TRAPPC13: variants seen among roughly 807,000 people sequenced by gnomAD.
The protein encoded by TRAPPC13 is REV7-interacting novel NHEJ regulator 1.
Under a neutral mutation model 54.0 loss-of-function variants are expected in TRAPPC13, and 39 were observed. That is an observed-to-expected ratio of 0.72 (90% CI 0.56 to 0.94). TRAPPC13 has a LOEUF of 0.94. Ranked by LOEUF, TRAPPC13 falls within the 40% of genes least tolerant of loss-of-function variation. The pLI, the probability that TRAPPC13 is intolerant of heterozygous loss-of-function variation, is 0.00. For missense variants in TRAPPC13, 386 were observed against 488.1 expected (o/e 0.79, Z 1.97); for synonymous variants, 148 against 167.7 (o/e 0.88, Z 0.91).
At position 65,651,720 on chromosome 5, in the gene TRAPPC13, T is replaced by TG. The variant is rs1345382018; in HGVS notation, c.502-779dup. On this transcript the variant is annotated intron_variant, in intron 6 of 12. Transcript: ENST00000399438. ...ATAGATCTAAATATGATACTGTATA[T>TG]GGTTTTTTTCATTCCTTTGTAAGTG... Among the ~76,000 whole-genome samples the TG allele has an allele frequency of 2.2e-5, 2 of 89,536 alleles. 1 individual carries two copies. The highest frequency in any genetic ancestry group is 5.1e-5 in the Non-Finnish European group (2 of 39,194). The allele number at this position is 89,536 out of a possible 152,430, so 58.7% of individuals were successfully genotyped here.
chr5:65,648,937 G>T (rs775850355), intron 5 of TRAPPC13, among the ~76,000 whole-genome samples: 1 of 152,004 alleles, frequency 6.6e-6, no homozygotes, highest in African/African-American at 2.4e-5. Context: ...TTTTTGGGCC[G>T]GGTGTGGTGG....
rs545395486 is a variant in TRAPPC13 at position 65,642,783 on chromosome 5, C to T, written c.301-4272C>T. Among the ~76,000 whole-genome samples, 7 of 152,226 alleles carry T rather than the reference C, an allele frequency of 4.6e-5. No individual in the cohort carries two copies. In the East Asian group the frequency reaches 9.6e-4, roughly 21 times the overall value. On this transcript the variant is annotated intron_variant, in intron 4 of 12. Transcript: ENST00000399438. ...TCAAGCAATCCTCCCATCTTAGCCTCGCGAGTTGCTGTAACTGCAGTTGCA... is the reference window on the plus strand; with the variant it reads ...TCAAGCAATCCTCCCATCTTAGCCTTGCGAGTTGCTGTAACTGCAGTTGCA...
intron 5 of TRAPPC13, among the ~76,000 whole-genome samples, chr5:65,649,569 A>G (rs1278448155): frequency 6.6e-6 from 1 of 152,124 alleles, no homozygotes; most frequent in Non-Finnish European, 1.5e-5. Context: ...TTCTCTGACT[A>G]CTTGTGAGGC....
At chr5:65,658,207 AG>A in intron 8 of TRAPPC13, 160 bp from the exon 9 acceptor site, 1 of 606,758 alleles carries the variant, frequency 1.6e-6, no homozygotes, top group Non-Finnish European at 2.6e-6. Context: ...GATAGGGTGA[AG>A]ATTTCTTTTC....
At chr5:65,658,203 G>C in intron 8 of TRAPPC13, 165 bp from the exon 9 acceptor site, 1 of 588,288 alleles carries the variant, frequency 1.7e-6, no homozygotes, top group Non-Finnish European at 2.7e-6. Flanking sequence ...TTATGATAGG[G>C]TGAAGATTTC....
chr5:65,664,560 TGAC>T lies in TRAPPC13; in HGVS notation c.1204_1206del (p.Asp402del). ...TCTTAAAGAGAACATATGAATATGATGACATCGCACAAGTCTGTGTGGTATCTT... is the reference window on the plus strand; with the variant it reads ...TCTTAAAGAGAACATATGAATATGATATCGCACAAGTCTGTGTGGTATCTT... On this transcript the variant is annotated inframe_deletion, in exon 13 of 13. Coordinates refer to ENST00000399438, the MANE Select transcript of TRAPPC13 (RefSeq NM_024941.4). The T allele has an allele frequency of 1.2e-6, 2 of 1,612,742 alleles. No homozygotes were observed. The highest frequency in any genetic ancestry group is 1.7e-6 in the Non-Finnish European group (2 of 1,179,638).
At chr5:65,648,678 A>G (rs1362026176) in intron 5 of TRAPPC13, among the ~76,000 whole-genome samples, 1 of 152,182 alleles carries the variant, frequency 6.6e-6, no homozygotes. Context: ...CCCCTGCCTT[A>G]CTTAGTCAGT....
At chr5:65,652,366 T>A in intron 6 of TRAPPC13, 135 bp from the exon 7 acceptor site, 1 of 374,646 alleles carries the variant, frequency 2.7e-6, no homozygotes, top group East Asian at 4.3e-5. Context: ...TGGAAGAATA[T>A]TGCATACCTA....
At position 65,664,895 on chromosome 5, in the gene TRAPPC13, T is replaced by G; in HGVS notation, c.*284T>G. ...CCAAAAGCTGTGTATCTGAGACCAT[T>G]TGTCCCTAGCAAGTTATCTAGAACA... is the stretch of plus-strand genomic sequence containing the variant. On this transcript the variant is annotated 3_prime_UTR_variant, in exon 13 of 13. Coordinates refer to ENST00000399438, the MANE Select transcript of TRAPPC13 (RefSeq NM_024941.4). The G allele has an allele frequency of 2.6e-6, 1 of 390,792 alleles. No individual in the cohort carries two copies. The highest frequency in any genetic ancestry group is 4.5e-5 in the Admixed American group (1 of 22,256). 24.2% of individuals were successfully genotyped at this position (390,792 alleles called of 1,614,324 possible). A position where few individuals can be genotyped will look rare whatever the true frequency, so the allele number is the denominator to read the frequency against.
intron 3 of TRAPPC13, among the ~76,000 whole-genome samples, chr5:65,636,595 A>G (rs1268135420): frequency 1.3e-5 from 2 of 152,130 alleles, no homozygotes; most frequent in Non-Finnish European, 2.9e-5. Flanking sequence ...AGATCTTACT[A>G]TATTTTGTAA....
chr5:65,625,033 A>G lies in TRAPPC13; in HGVS notation c.-28A>G. The G allele has an allele frequency of 6.2e-7, 1 of 1,607,248 alleles. No individual in the cohort carries two copies. The highest frequency in any genetic ancestry group is 8.5e-7 in the Non-Finnish European group (1 of 1,173,812). The stretch of plus-strand genomic sequence containing the variant: ...CAAGTTGAACCTGTCCAGCCCCCGT[A>G]GGCTGTGGGTCAAAAGTGCCGGTCA... On this transcript the variant is annotated 5_prime_UTR_variant, in exon 1 of 13. Transcript: ENST00000399438.
rs967898483 is a variant in TRAPPC13 at position 65,643,647 on chromosome 5, T to C, written c.301-3408T>C. Among the ~76,000 whole-genome samples the C allele has an allele frequency of 4.1e-4, 63 of 152,032 alleles. 1 individual carries two copies. Among genetic ancestry groups the C allele is most frequent in the Admixed American group, 1.4e-3 (22 of 15,276 alleles). On this transcript the variant is annotated intron_variant, in intron 4 of 12. Transcript: ENST00000399438. ...TCCTGGCTAACACGGTGAAACCCTGTGTCTACTAAAAATACAAAAATTAGC... is the reference window on the plus strand; with the variant it reads ...TCCTGGCTAACACGGTGAAACCCTGCGTCTACTAAAAATACAAAAATTAGC...
At chr5:65,661,960 C>A in intron 10 of TRAPPC13, 90 bp from the exon 11 acceptor site, 1 of 797,768 alleles carries the variant, frequency 1.3e-6, no homozygotes, top group South Asian at 2.2e-5. Flanking sequence ...AACCCAACAG[C>A]TGTTGAGTAA....
intron 1 of TRAPPC13, among the ~76,000 whole-genome samples, chr5:65,627,979 C>A (rs775697370): frequency 6.6e-6 from 1 of 152,102 alleles, no homozygotes; most frequent in Non-Finnish European, 1.5e-5. Context: ...AGTGGGAGAA[C>A]CCTCATCAAG....
intron 7 of TRAPPC13, among the ~76,000 whole-genome samples, chr5:65,652,947 G>A (rs935672377): frequency 4.6e-5 from 7 of 152,030 alleles, no homozygotes; most frequent in African/African-American, 1.4e-4. Context: ...ATACTGACAA[G>A]TGAAGCTTAG....
At chr5:65,629,937 T>C (rs1318180896) in intron 1 of TRAPPC13, 1 of 1,536,094 alleles carries the variant, frequency 6.5e-7, no homozygotes, top group African/African-American at 1.4e-5. Flanking sequence ...TCTGGAAATC[T>C]GGGTAAACAA....
At chr5:65,651,497 T>C (rs917830092) in intron 6 of TRAPPC13, among the ~76,000 whole-genome samples, 4 of 152,288 alleles carry the variant, frequency 2.6e-5, no homozygotes, top group South Asian at 4.1e-4. Context: ...TCTAAAGAAA[T>C]TTAAAGGAGA....
chr5:65,659,988 A>AG (rs1282033394), intron 9 of TRAPPC13, among the ~76,000 whole-genome samples: 17 of 139,200 alleles, frequency 1.2e-4, no homozygotes, highest in African/African-American at 3.7e-4. Flanking sequence ...AAAAAAAAAA[A>AG]AAGAAGAAGA....
chr5:65,651,579 T>C (rs917314400), intron 6 of TRAPPC13, among the ~76,000 whole-genome samples: 1 of 151,436 alleles, frequency 6.6e-6, no homozygotes, highest in African/African-American at 2.4e-5. Context: ...AGTTGAGTTT[T>C]GTATTAATAT....
Sources: allele counts gnomAD v4.1 joint callset (sites outside exome capture counted in the v4.1 genomes callset), GRCh38; gene constraint gnomAD v4.1.1; transcripts MANE v1.5; gene names NCBI Gene and HGNC (gene_info 2026-07-23, HGNC 2026-07-21).